Variants in TAF4 observed in about 807,000 individuals in gnomAD.
TAF4 encodes the protein transcription initiation factor TFIID subunit 4.
In TAF4, 9 loss-of-function variants were observed where a neutral mutation model predicts 90.3. The observed-to-expected ratio is 0.10, with a 90% confidence interval of 0.06 to 0.17. The LOEUF (loss-of-function observed/expected upper bound fraction) is 0.17, where lower values mean the gene tolerates loss of function less well. Among genes scored for constraint, TAF4 ranks in the 10% least tolerant of loss-of-function variants. TAF4 has a pLI of 1.00. For synonymous variants in TAF4, 818 were observed against 638.9 expected (o/e 1.28, Z -4.23); for missense variants, 1,351 against 1,370.7 (o/e 0.99, Z 0.23).
chr20:62,045,877 T>C (rs1266188933), intron 1 of TAF4, among the ~76,000 whole-genome samples: 2 of 152,240 alleles, frequency 1.3e-5, no homozygotes, highest in African/African-American at 4.8e-5. Context: ...TCCTCATTTG[T>C]GTCCTCTGCA....
intron 9 of TAF4, among the ~76,000 whole-genome samples, chr20:62,001,113 CA>C (rs1218029084): frequency 2.0e-5 from 3 of 152,194 alleles, no homozygotes; most frequent in Non-Finnish European, 4.4e-5. Flanking sequence ...AGAGTACGCA[CA>C]ATTTTTTCCT....
chr20:62,025,484 C>A (rs574564322), intron 1 of TAF4, among the ~76,000 whole-genome samples: 1 of 152,182 alleles, frequency 6.6e-6, no homozygotes, highest in Non-Finnish European at 1.5e-5. Context: ...GTAATCCCCA[C>A]GTGTGGAGGG....
intron 1 of TAF4, among the ~76,000 whole-genome samples, chr20:62,059,467 C>T (rs958230080): frequency 6.6e-6 from 1 of 152,170 alleles, no homozygotes; most frequent in Non-Finnish European, 1.5e-5. Flanking sequence ...TTATTCCACG[C>T]AAGAATTGGA....
chr20:62,049,678 C>T (rs1422234096), intron 1 of TAF4, among the ~76,000 whole-genome samples: 1 of 91,136 alleles, frequency 1.1e-5, no homozygotes, highest in Non-Finnish European at 2.5e-5. Flanking sequence ...CACCCCAGCC[C>T]AACTCCCAAC....
intron 14 of TAF4, among the ~76,000 whole-genome samples, chr20:61,983,110 A>T (rs987838770): frequency 1.3e-5 from 2 of 152,058 alleles, no homozygotes; most frequent in Non-Finnish European, 2.9e-5. Flanking sequence ...TCCTGTCACC[A>T]AAAGGCAGAG....
intron 1 of TAF4, among the ~76,000 whole-genome samples, chr20:62,028,335 A>G (rs141271610): frequency 2.0e-4 from 30 of 152,294 alleles, no homozygotes; most frequent in African/African-American, 6.7e-4. Flanking sequence ...ATTTTGGTAA[A>G]AATACTTCAG....
chr20:61,992,048 A>G (rs997249757), intron 14 of TAF4, among the ~76,000 whole-genome samples: 3 of 152,246 alleles, frequency 2.0e-5, no homozygotes, highest in African/African-American at 7.2e-5. Context: ...CAAACTCATC[A>G]GCAGGTGGGA....
At chr20:62,004,176 G>T (rs2055727787) in intron 7 of TAF4, among the ~76,000 whole-genome samples, 1 of 152,198 alleles carries the variant, frequency 6.6e-6, no homozygotes, top group Admixed American at 6.5e-5. Flanking sequence ...GGGCCTGGAG[G>T]GGGCGGGTGG....
chr20:62,012,845 A>G lies in TAF4; in HGVS notation c.1611T>C (p.Ser537=). ...CGCCGGGCGAGCGCTGCAGGGTTGC[A>G]CTGGGCTGCACCGTTGTCTGGGCCT... ...VSQAQTTVQP[S]ATLQRSPGVQ... Residue 537 remains serine (S), a synonymous_variant, in exon 3 of 15, where the codon AGT becomes AGC. Coordinates refer to ENST00000252996, the MANE Select transcript of TAF4 (RefSeq NM_003185.4). 1.2e-6 allele frequency: 2 copies of G among 1,613,882 alleles called. No individual in the cohort carries two copies. The highest frequency in any genetic ancestry group is 8.5e-7 in the Non-Finnish European group (1 of 1,179,954).
chr20:61,991,883 G>C (rs909407256), intron 14 of TAF4, among the ~76,000 whole-genome samples: 1 of 152,054 alleles, frequency 6.6e-6, no homozygotes, highest in African/African-American at 2.4e-5. Context: ...GGACACCCAG[G>C]GAAGAAAAAC....
chr20:62,003,607 A>T, intron 8 of TAF4, 124 bp downstream of exon 8: 1 of 1,103,084 alleles, frequency 9.1e-7, no homozygotes, highest in Non-Finnish European at 1.3e-6. Flanking sequence ...CCACTGAACT[A>T]GATACTTAAA....
intron 1 of TAF4, among the ~76,000 whole-genome samples, chr20:62,062,231 C>T (rs1010181756): frequency 7.2e-5 from 11 of 152,114 alleles, no homozygotes; most frequent in African/African-American, 2.4e-4. Flanking sequence ...ATTTTTATTA[C>T]GAAATATTTC....
chr20:62,040,468 A>AGCCT (rs2145502105), intron 1 of TAF4, among the ~76,000 whole-genome samples: 1 of 152,354 alleles, frequency 6.6e-6, no homozygotes, highest in East Asian at 1.9e-4. Flanking sequence ...AGGAAGCTGG[A>AGCCT]GCAGGGGCTC....
At chr20:62,060,094 C>CT (rs1454556089) in intron 1 of TAF4, among the ~76,000 whole-genome samples, 1 of 152,252 alleles carries the variant, frequency 6.6e-6, no homozygotes, top group African/African-American at 2.4e-5. Context: ...CCCGGCCTCC[C>CT]TGTGCTGATG....
chr20:62,046,732 C>T (rs906352862), intron 1 of TAF4, among the ~76,000 whole-genome samples: 3 of 152,224 alleles, frequency 2.0e-5, no homozygotes, highest in Non-Finnish European at 4.4e-5. Flanking sequence ...CACCGACACA[C>T]GGGATGGCTG....
intron 1 of TAF4, among the ~76,000 whole-genome samples, chr20:62,043,807 G>A (rs2055977447): frequency 6.6e-6 from 1 of 152,304 alleles, no homozygotes; most frequent in South Asian, 2.1e-4. Flanking sequence ...TATATTCCAC[G>A]ATGCTCGCAC....
chr20:61,995,191 T>C (rs2123116748), intron 14 of TAF4, among the ~76,000 whole-genome samples: 1 of 152,226 alleles, frequency 6.6e-6, no homozygotes, highest in South Asian at 2.1e-4. Context: ...GACAAGAAAG[T>C]GTGCAAGGCC....
At chr20:62,053,269 G>A (rs2056040455) in intron 1 of TAF4, among the ~76,000 whole-genome samples, 3 of 152,322 alleles carry the variant, frequency 2.0e-5, no homozygotes, top group Admixed American at 2.0e-4. Flanking sequence ...GGCGAAGGGA[G>A]AGCCACGGCG....
Position 62,057,033 on chromosome 20 carries a change from G to A in TAF4, c.1360+7418C>T, listed in dbSNP as rs78919383. On this transcript the variant is annotated intron_variant, in intron 1 of 14. Coordinates refer to ENST00000252996, the MANE Select transcript of TAF4 (RefSeq NM_003185.4). ...CGTGCGTGGCTCCTATGAACACCAC[G>A]GAGACCACGCTCCTCCGCAGAAGAC... is the stretch of plus-strand genomic sequence containing the variant. Among the ~76,000 whole-genome samples the A allele has an allele frequency of 3.1e-4, 47 of 152,258 alleles. No individual in the cohort carries two copies. The East Asian group carries it at 4.8e-3, about 16-fold the overall frequency.
Sources: allele counts gnomAD v4.1 joint callset (sites outside exome capture counted in the v4.1 genomes callset), GRCh38; gene constraint gnomAD v4.1.1; transcripts MANE v1.5; gene names NCBI Gene and HGNC (gene_info 2026-07-23, HGNC 2026-07-21).